MSH3: variants seen among roughly 807,000 people sequenced by gnomAD.
MSH3 encodes DNA mismatch repair protein Msh3.
Under a neutral mutation model 123.3 loss-of-function variants are expected in MSH3, and 106 were observed. The observed-to-expected ratio is 0.86, with a 90% confidence interval of 0.73 to 1.01. The LOEUF is 1.01. Among genes scored for constraint, MSH3 ranks in the 50% least tolerant of loss-of-function variants. The probability of loss-of-function intolerance (pLI) is 0.00; values close to 1 mark genes in which losing one functional copy is unlikely to be tolerated. For synonymous variants in MSH3, 515 were observed against 481.4 expected (o/e 1.07, Z -0.91); for missense variants, 1,459 against 1,347.6 (o/e 1.08, Z -1.29).
chr5:80,842,684 T>G (rs1300315031), intron 20 of MSH3, among the ~76,000 whole-genome samples: 5 of 152,046 alleles, frequency 3.3e-5, no homozygotes, highest in Non-Finnish European at 7.4e-5. Flanking sequence ...TGAATGGGAG[T>G]ACACTCATGA....
intron 18 of MSH3, among the ~76,000 whole-genome samples, chr5:80,788,480 G>A (rs537656011): frequency 2.0e-5 from 3 of 151,602 alleles, no homozygotes; most frequent in East Asian, 3.9e-4. Flanking sequence ...TTTCATACAA[G>A]TTGTATGTCT....
chr5:80,784,426 G>T (rs1744468379), intron 17 of MSH3, among the ~76,000 whole-genome samples: 1 of 151,788 alleles, frequency 6.6e-6, no homozygotes, highest in Admixed American at 6.6e-5. Flanking sequence ...TTAAATGTTT[G>T]TGGGTATATA....
rs1394085560 is a variant in MSH3 at position 80,808,869 on chromosome 5, A to ATATATCTATATATATATCTATATATC, written c.2656-4710_2656-4709insCTATATATATATCTATATATCTATAT. Among the ~76,000 whole-genome samples the ATATATCTATATATATATCTATATATC allele has an allele frequency of 1.4e-3, 174 of 126,490 alleles. 4 individuals are homozygous for ATATATCTATATATATATCTATATATC. Among genetic ancestry groups the ATATATCTATATATATATCTATATATC allele is most frequent in the Middle Eastern group, 4.1e-3 (1 of 242 alleles). The allele number at this position is 126,490 out of a possible 152,430, so 83.0% of individuals were successfully genotyped here. On this transcript the variant is annotated intron_variant, in intron 19 of 23. Coordinates refer to ENST00000265081, the MANE Select transcript of MSH3 (RefSeq NM_002439.5). ...TAATATATCTTCTTCATATATATATATATATATATATATACACAATCTAAA... is the reference window on the plus strand; with the variant it reads ...TAATATATCTTCTTCATATATATATATATATCTATATATATATCTATATATCTATATATATATATACACAATCTAAA...
intron 8 of MSH3, among the ~76,000 whole-genome samples, chr5:80,715,671 C>T (rs1235962965): frequency 1.3e-5 from 2 of 152,024 alleles, no homozygotes; most frequent in African/African-American, 2.4e-5. Context: ...GGGGAGGCCT[C>T]AGGAAACTTA....
rs142425621 is a variant in MSH3 at position 80,799,617 on chromosome 5, A to C, written c.2655+6773A>C. 1.3e-3 allele frequency among the ~76,000 whole-genome samples: 189 copies of C among 143,462 alleles called. 1 individual carries two copies. Among genetic ancestry groups the C allele is most frequent in the African/African-American group, 4.6e-3 (180 of 39,052 alleles). The allele number at this position is 143,462 out of a possible 152,430, so 94.1% of individuals were successfully genotyped here. A position where few individuals can be genotyped will look rare whatever the true frequency, so the allele number is the denominator to read the frequency against. On this transcript the variant is annotated intron_variant, in intron 19 of 23. Transcript: ENST00000265081. ...TTTCTGCTGTACATCTGCTGACTTC[A>C]GGGATATTATGACTGTCCATTATTC... is the stretch of plus-strand genomic sequence containing the variant.
At chr5:80,803,659 T>G (rs764648949) in intron 19 of MSH3, among the ~76,000 whole-genome samples, 1 of 151,982 alleles carries the variant, frequency 6.6e-6, no homozygotes, top group Admixed American at 6.6e-5. Flanking sequence ...CCCAGACCAG[T>G]GTTCTGAAGA....
At chr5:80,770,609 ACCCAAGGT>A (rs982966410) in intron 15 of MSH3, among the ~76,000 whole-genome samples, 22 of 152,258 alleles carry the variant, frequency 1.4e-4, no homozygotes, top group African/African-American at 5.3e-4. Context: ...TAGATAAGTT[ACCCAAGGT>A]CCGAAGCACA....
At position 80,773,755 on chromosome 5, in the gene MSH3, A is replaced by C. The variant is rs190860582; in HGVS notation, c.2254-1939A>C. On this transcript the variant is annotated intron_variant, in intron 15 of 23. Coordinates refer to ENST00000265081, the MANE Select transcript of MSH3 (RefSeq NM_002439.5). The stretch of plus-strand genomic sequence containing the variant: ...ATTTATTTAAATGAATCATTGAATT[A>C]GTTCTTTTGTTTTTCTTTTTGTTTT... Among the ~76,000 whole-genome samples, 190 of 152,156 alleles carry C rather than the reference A, an allele frequency of 1.2e-3. 2 individuals carry two copies. Among genetic ancestry groups the C allele is most frequent in the African/African-American group, 4.5e-3 (185 of 41,526 alleles).
At chr5:80,778,181 A>T (rs1053514786) in intron 16 of MSH3, among the ~76,000 whole-genome samples, 1 of 152,164 alleles carries the variant, frequency 6.6e-6, no homozygotes, top group Non-Finnish European at 1.5e-5. Flanking sequence ...ATTTCTTCCT[A>T]TCCAGAGCCA....
chr5:80,665,158 T>C lies in MSH3; in HGVS notation c.374T>C (p.Leu125Pro). The C allele has an allele frequency of 1.2e-6, 2 of 1,614,038 alleles. No individual in the cohort carries two copies. Among genetic ancestry groups the C allele is most frequent in the Non-Finnish European group, 1.7e-6 (2 of 1,179,928 alleles). Residue 125 changes from leucine to proline, a missense_variant, in exon 3 of 24, where the codon CTG becomes CCG. Transcript: ENST00000265081. ...GCTGCCTAAGAGCCAAAGAAATGTC[T>C]GAGGACCAGGAATGTTTCAAAGTCT... is the stretch of plus-strand genomic sequence containing the variant. The part of the protein sequence containing the change: ...MSGNSEPKKC[L>P]RTRNVSKSLE...
At chr5:80,714,736 C>T (rs868672926) in intron 8 of MSH3, among the ~76,000 whole-genome samples, 1 of 152,246 alleles carries the variant, frequency 6.6e-6, no homozygotes. Context: ...TAACCAGCTG[C>T]CTCTTGTGTT....
In MSH3 at chr5:80,698,756, A is replaced by G. The variant is rs889344369; in HGVS notation, c.1340+19663A>G. On this transcript the variant is annotated intron_variant, in intron 8 of 23. Transcript: ENST00000265081. Reference sequence around the variant, plus strand: ...TCATAGGTGGGAATTGAACAATGAGAACACTTGGACACAGGAAGGGGAACC... The same window carrying G: ...TCATAGGTGGGAATTGAACAATGAGGACACTTGGACACAGGAAGGGGAACC... Among the ~76,000 whole-genome samples, 3 of 150,358 alleles carry G rather than the reference A, an allele frequency of 2.0e-5. No individual in the cohort carries two copies. The East Asian group carries it at 6.0e-4, about 30-fold the overall frequency.
chr5:80,871,294 G>C (rs1746209254), intron 22 of MSH3, among the ~76,000 whole-genome samples: 1 of 152,160 alleles, frequency 6.6e-6, no homozygotes, highest in Non-Finnish European at 1.5e-5. Context: ...GGGGTAATTT[G>C]CAAACAGTGT....
chr5:80,796,317 C>T (rs1468413670), intron 19 of MSH3, among the ~76,000 whole-genome samples: 1 of 151,504 alleles, frequency 6.6e-6, no homozygotes, highest in African/African-American at 2.4e-5. Flanking sequence ...TTTAAAGAAA[C>T]ATTGAACTCT....
At chr5:80,677,443 T>C (rs889049805) in intron 7 of MSH3, among the ~76,000 whole-genome samples, 14 of 152,232 alleles carry the variant, frequency 9.2e-5, no homozygotes, top group African/African-American at 3.4e-4. Flanking sequence ...TTTGTTACTT[T>C]AACATCTGTA....
chr5:80,713,330 A>G (rs1055476726), intron 8 of MSH3, among the ~76,000 whole-genome samples: 2 of 152,196 alleles, frequency 1.3e-5, no homozygotes, highest in African/African-American at 4.8e-5. Flanking sequence ...TTCAAAAGCA[A>G]TATGGTAGGC....
At chr5:80,867,044 G>A (rs1746112767) in intron 22 of MSH3, among the ~76,000 whole-genome samples, 3 of 152,192 alleles carry the variant, frequency 2.0e-5, no homozygotes, top group South Asian at 4.1e-4. Flanking sequence ...TGAACTGGCT[G>A]CTGTCTGGGC....
chr5:80,691,258 A>T (rs529091120), intron 8 of MSH3, among the ~76,000 whole-genome samples: 1 of 152,026 alleles, frequency 6.6e-6, no homozygotes, highest in African/African-American at 2.4e-5. Context: ...ATTAAATATA[A>T]GATCAGTTTA....
intron 19 of MSH3, among the ~76,000 whole-genome samples, chr5:80,800,095 A>G (rs899510721): frequency 1.3e-5 from 2 of 152,222 alleles, no homozygotes; most frequent in Non-Finnish European, 2.9e-5. Context: ...TTATTGATTG[A>G]TGCTATTCAG....
Sources: gnomAD v4.1 joint callset for allele counts (sites outside exome capture counted in the v4.1 genomes callset) on GRCh38, gnomAD v4.1.1 for gene constraint, MANE v1.5 for transcripts, NCBI Gene and HGNC (gene_info 2026-07-23, HGNC 2026-07-21) for gene names.